The following VRK1 variants were observed in gnomAD, a reference collection of about 807,000 sequenced individuals.
The protein encoded by VRK1 is serine/threonine-protein kinase VRK1.
In VRK1, 33 loss-of-function variants were observed where a neutral mutation model predicts 57.1. The observed-to-expected ratio is 0.58, with a 90% CI of 0.44 to 0.77. The LOEUF is 0.77. Ranked by LOEUF, VRK1 falls within the 30% of genes least tolerant of loss-of-function variation. The pLI, the probability that VRK1 is intolerant of heterozygous loss-of-function variation, is 0.00. For missense variants in VRK1, 413 were observed against 477.3 expected, an observed-to-expected ratio of 0.87 and a Z score of 1.25; for synonymous variants, 137 against 147.8, an observed-to-expected ratio of 0.93 and a Z score of 0.53.
intron 12 of VRK1, among the ~76,000 whole-genome samples, chr14:96,879,148 A>C (rs1468829956): frequency 6.6e-6 from 1 of 152,158 alleles, no homozygotes; most frequent in Non-Finnish European, 1.5e-5. Context: ...TTATTTTCCA[A>C]ATATCAAATT....
intron 1 of VRK1, among the ~76,000 whole-genome samples, chr14:96,821,729 A>G (rs879650069): frequency 2.6e-5 from 4 of 152,128 alleles, no homozygotes; most frequent in Non-Finnish European, 5.9e-5. Context: ...TTCCCCATTC[A>G]GAGTTAACGT....
At chr14:96,877,384 T>C in intron 12 of VRK1, 2 of 628,688 alleles carry the variant, frequency 3.2e-6, no homozygotes, top group South Asian at 3.2e-5. Flanking sequence ...AGGGAATATA[T>C]AACTTCACAC....
intron 1 of VRK1, among the ~76,000 whole-genome samples, chr14:96,820,616 A>T (rs551983360): frequency 3.9e-5 from 6 of 152,318 alleles, no homozygotes; most frequent in African/African-American, 1.4e-4. Flanking sequence ...CATCATTTCC[A>T]TAGTCTAAAA....
chr14:96,868,705 A>G (rs1888682546), intron 11 of VRK1, among the ~76,000 whole-genome samples: 1 of 152,144 alleles, frequency 6.6e-6, no homozygotes, highest in African/African-American at 2.4e-5. Context: ...GGACATGCTT[A>G]TAAGAAGTAC....
intron 11 of VRK1, among the ~76,000 whole-genome samples, chr14:96,867,247 A>T (rs1334288623): frequency 6.6e-6 from 1 of 152,158 alleles, no homozygotes; most frequent in Non-Finnish European, 1.5e-5. Context: ...GTAAACTTGT[A>T]AATCTTGGGA....
intron 11 of VRK1, among the ~76,000 whole-genome samples, chr14:96,874,124 C>T (rs933642768): frequency 6.6e-6 from 1 of 152,184 alleles, no homozygotes; most frequent in African/African-American, 2.4e-5. Context: ...AAAATCTGCT[C>T]TCCAAAAACT....
intron 11 of VRK1, 31 bp from the exon 12 acceptor site, chr14:96,875,999 C>CT: frequency 7.0e-7 from 1 of 1,435,536 alleles, no homozygotes; most frequent in Non-Finnish European, 9.7e-7. Context: ...TGTCAGATAT[C>CT]TCTCTCTCTC....
chr14:96,881,057 C>A, intron 12 of VRK1, 120 bp from the exon 13 acceptor site: 1 of 899,252 alleles, frequency 1.1e-6, no homozygotes, highest in Non-Finnish European at 1.7e-6. Flanking sequence ...CTTTGCAAAT[C>A]ACGAGAGTCG....
chr14:96,852,694 C>G, intron 5 of VRK1, 137 bp from the exon 6 acceptor site: 2 of 723,640 alleles, frequency 2.8e-6, no homozygotes, highest in Non-Finnish European at 2.4e-6. Context: ...GAAATTGTTT[C>G]AAATGTTTGT....
chr14:96,851,750 G>T (rs1209888568), intron 5 of VRK1, among the ~76,000 whole-genome samples: 2 of 152,156 alleles, frequency 1.3e-5, no homozygotes, highest in Non-Finnish European at 2.9e-5. Context: ...CCACATACTA[G>T]AGGACAAATT....
At chr14:96,845,951 ACTTAAT>A (rs1448502320) in intron 3 of VRK1, 138 bp from the exon 4 acceptor site, 11 of 730,222 alleles carry the variant, frequency 1.5e-5, no homozygotes, top group East Asian at 7.9e-5. Flanking sequence ...AAGGAGTTTG[ACTTAAT>A]CTTAACACAG....
chr14:96,828,547 A>C (rs971752045), intron 1 of VRK1, among the ~76,000 whole-genome samples: 1 of 152,196 alleles, frequency 6.6e-6, no homozygotes, highest in African/African-American at 2.4e-5. Flanking sequence ...ATTCTTATGA[A>C]TATCAGTCTT....
chr14:96,866,696 A>C (rs1454851229), intron 11 of VRK1, among the ~76,000 whole-genome samples: 1 of 152,058 alleles, frequency 6.6e-6, no homozygotes, highest in Admixed American at 6.6e-5. Flanking sequence ...CCTGACTTAC[A>C]TCTTCTAGAC....
intron 1 of VRK1, among the ~76,000 whole-genome samples, chr14:96,825,685 A>AAC (rs1886773725): frequency 6.6e-6 from 1 of 152,182 alleles, no homozygotes; most frequent in South Asian, 2.1e-4. Context: ...GGAGAGGTTA[A>AAC]ATGAGAGAAA....
intron 1 of VRK1, among the ~76,000 whole-genome samples, chr14:96,828,643 A>T (rs1450443703): frequency 6.6e-6 from 1 of 151,572 alleles, no homozygotes; most frequent in Non-Finnish European, 1.5e-5. Context: ...AATAGAATTC[A>T]GCAGCACACT....
At chr14:96,836,950 T>G (rs1280972755) in intron 2 of VRK1, among the ~76,000 whole-genome samples, 1 of 152,124 alleles carries the variant, frequency 6.6e-6, no homozygotes, top group Non-Finnish European at 1.5e-5. Context: ...AGATCCCTCT[T>G]ACCATGTAGC....
chr14:96,858,809 T>C (rs965207099), intron 10 of VRK1: 1 of 152,234 alleles, frequency 6.6e-6, no homozygotes, highest in African/African-American at 2.4e-5. Flanking sequence ...ATCTGGTAGT[T>C]GAAATTCTTT....
At position 96,833,594 on chromosome 14, in the gene VRK1, A is replaced by T; in HGVS notation, c.123A>T (p.Leu41Phe). The T allele has an allele frequency of 6.2e-7, 1 of 1,613,800 alleles. No individual in the cohort carries two copies. The highest frequency in any genetic ancestry group is 1.1e-5 in the South Asian group (1 of 91,082). Residue 41 changes from leucine (L) to phenylalanine (F), a missense_variant, in exon 2 of 13, where the codon TTA (leucine) becomes TTT (phenylalanine). Around this residue, in one of 3 missense-constraint regions of VRK1, gnomAD observed 116 missense variants for 113.6 expected, o/e 1.02. Coordinates refer to ENST00000216639, the MANE Select transcript of VRK1 (RefSeq NM_003384.3). ...CAAAAAAGGAATGGAAAGTAGGATT[A>T]CCCATTGGCCAAGGAGGCTTTGGCT... ...DMAKKEWKVGLPIGQGGFGCI... is the reference protein window; with the variant it reads ...DMAKKEWKVGFPIGQGGFGCI...
chr14:96,840,092 A>G (rs1003678982), intron 3 of VRK1, among the ~76,000 whole-genome samples: 1 of 151,764 alleles, frequency 6.6e-6, no homozygotes, highest in South Asian at 2.1e-4. Flanking sequence ...AAAATTTCCA[A>G]TCTCATTGTT....
Sources: gnomAD v4.1 joint callset for allele counts (sites outside exome capture counted in the v4.1 genomes callset) on GRCh38, gnomAD v4.1.1 for gene constraint, gnomAD v4.1.1 regional missense constraint, MANE v1.5 for transcripts, NCBI Gene and HGNC (gene_info 2026-07-23, HGNC 2026-07-21) for gene names.